NOTCH2NLA: variants seen among roughly 807,000 people sequenced by gnomAD.
The protein encoded by NOTCH2NLA is notch 2 N-terminal like A.
chr1:146,159,520 G>A (rs1661382292), intron 3 of NOTCH2NLA, among the ~76,000 whole-genome samples: 1 of 150,860 alleles, frequency 6.6e-6, no homozygotes. Context: ...TATATATTAT[G>A]TATAGGCACT....
intron 2 of NOTCH2NLA, among the ~76,000 whole-genome samples, chr1:146,183,189 GT>G: frequency 1.0e-5 from 1 of 99,118 alleles, no homozygotes; most frequent in South Asian, 3.2e-4. Flanking sequence ...ATTATAGTCA[GT>G]TTTTTTCATA....
rs1454476611 is a variant in NOTCH2NLA, at chr1:146,207,821, T to C, written c.-44-18440A>G. Among the ~76,000 whole-genome samples, 3 of 84,176 alleles carry C rather than the reference T, an allele frequency of 3.6e-5. 1 individual carries two copies. Among genetic ancestry groups the C allele is most frequent in the African/African-American group, 8.6e-5 (2 of 23,358 alleles). 55.2% of individuals were successfully genotyped at this position (84,176 alleles called of 152,430 possible). ...ACAGGCCCAATACCACTTTCTTTTTTTTTTTTTTTTTTTTTTTGGAGACAG... is the reference window on the plus strand; with the variant it reads ...ACAGGCCCAATACCACTTTCTTTTTCTTTTTTTTTTTTTTTTTGGAGACAG... On this transcript the variant is annotated intron_variant, in intron 1 of 4. Coordinates refer to ENST00000362074, the Ensembl canonical transcript of NOTCH2NLA.
At chr1:146,228,308 C>G (rs1299129342) in intron 1 of NOTCH2NLA, 1 of 952,454 alleles carries the variant, frequency 1.0e-6, no homozygotes, top group Non-Finnish European at 1.2e-6. Context: ...CTTCGCTCAG[C>G]CCCTCCGAGG....
rs369583526 is a variant in NOTCH2NLA, at chr1:146,161,702, C to T, written c.298+3049G>A. Among the ~76,000 whole-genome samples the T allele has an allele frequency of 8.4e-3, 529 of 62,958 alleles. 75 individuals are homozygous for T. The highest frequency in any genetic ancestry group is 0.064 in the East Asian group (194 of 3,048). The allele number at this position is 62,958 out of a possible 152,430, so 41.3% of individuals were successfully genotyped here. A position where few individuals can be genotyped will look rare whatever the true frequency, so the allele number is the denominator to read the frequency against. Reference sequence around the variant, plus strand: ...ATTGCCACCAGGACACTTTGGGTTCCTACCTTTAAGTAAACAGGCTAAGAA... The same window carrying T: ...ATTGCCACCAGGACACTTTGGGTTCTTACCTTTAAGTAAACAGGCTAAGAA... On this transcript the variant is annotated intron_variant, in intron 3 of 4. Transcript: ENST00000362074.
intron 2 of NOTCH2NLA, among the ~76,000 whole-genome samples, chr1:146,179,852 CAT>C: frequency 8.2e-6 from 1 of 122,604 alleles, no homozygotes; most frequent in East Asian, 2.0e-4. Context: ...TTATTTTACA[CAT>C]CTCTGTATGC....
At chr1:146,200,602 C>T (rs1553813756) in intron 1 of NOTCH2NLA, among the ~76,000 whole-genome samples, 1 of 113,290 alleles carries the variant, frequency 8.8e-6, no homozygotes, top group Non-Finnish European at 1.9e-5. Flanking sequence ...TGATGAGGAG[C>T]TGATAATCTC....
At chr1:146,170,713 CTT>C (rs1661920526) in intron 2 of NOTCH2NLA, among the ~76,000 whole-genome samples, 1 of 100,076 alleles carries the variant, frequency 1.0e-5, no homozygotes, top group East Asian at 2.4e-4. Context: ...AAAGAACAAA[CTT>C]TGTCTCTCTA....
At chr1:146,187,836 GCAC>G (rs1412239689) in intron 2 of NOTCH2NLA, among the ~76,000 whole-genome samples, 5 of 136,458 alleles carry the variant, frequency 3.7e-5, no homozygotes, top group East Asian at 2.0e-4. Flanking sequence ...AGAGGAGAAT[GCAC>G]CACATTTTTT....
rs1420543440 is a variant in NOTCH2NLA, at chr1:146,209,585, CTG to C, written c.-45+19122_-45+19123del. ...CACAACAAGATTTAGAAAAAACACA[CTG>C]TTTTTTATCAAAAGGCAGGAAAATA... On this transcript the variant is annotated intron_variant, in intron 1 of 4. Transcript: ENST00000362074. 3.1e-5 allele frequency among the ~76,000 whole-genome samples: 3 copies of C among 97,844 alleles called. 1 individual carries two copies. Among genetic ancestry groups the C allele is most frequent in the Non-Finnish European group, 6.9e-5 (3 of 43,406 alleles). The allele number at this position is 97,844 out of a possible 152,430, so 64.2% of individuals were successfully genotyped here.
intron 2 of NOTCH2NLA, among the ~76,000 whole-genome samples, chr1:146,187,723 A>T (rs78313848): frequency 0.51 from 68,204 of 133,472 alleles, 22,447 homozygotes; most frequent in Non-Finnish European, 0.65. Flanking sequence ...AAAGCAAGCA[A>T]CTAACGCACC....
Position 146,210,602 on chromosome 1 carries a change from A to AAC in NOTCH2NLA, c.-45+18105_-45+18106dup, listed in dbSNP as rs3978525. Reference sequence around the variant, plus strand: ...AATTCCAAGGTCTATTCCTCCTCCCAACACACACACACACACACACACGCA... The same window carrying AAC: ...AATTCCAAGGTCTATTCCTCCTCCCAACACACACACACACACACACACACGCA... On this transcript the variant is annotated intron_variant, in intron 1 of 4. Coordinates refer to ENST00000362074, the Ensembl canonical transcript of NOTCH2NLA. Among the ~76,000 whole-genome samples, 676 of 101,314 alleles carry AAC rather than the reference A, an allele frequency of 6.7e-3. 57 individuals carry two copies. Among genetic ancestry groups the AAC allele is most frequent in the East Asian group, 0.031 (124 of 3,994 alleles). 66.5% of individuals were successfully genotyped at this position (101,314 alleles called of 152,430 possible).
At chr1:146,194,833 C>G (rs1296534183) in intron 1 of NOTCH2NLA, among the ~76,000 whole-genome samples, 1 of 108,398 alleles carries the variant, frequency 9.2e-6, no homozygotes, top group Admixed American at 9.6e-5. Context: ...TACTCCCCAC[C>G]ACTTCCACTG....
chr1:146,194,965 C>T lies in NOTCH2NLA; in HGVS notation c.-44-5584G>A, dbSNP rs1327300638. ...CTTCCTCATTACTATCTAAATTCTA[C>T]CCATTCCTTCAAGGCCCAGTTCACC... On this transcript the variant is annotated intron_variant, in intron 1 of 4. Transcript: ENST00000362074. Among the ~76,000 whole-genome samples the T allele has an allele frequency of 2.7e-4, 30 of 111,878 alleles. 2 individuals are homozygous for T. Among genetic ancestry groups the T allele is most frequent in the African/African-American group, 8.8e-4 (23 of 26,000 alleles). The allele number at this position is 111,878 out of a possible 152,430, so 73.4% of individuals were successfully genotyped here.
At chr1:146,159,215 G>A (rs1167571403) in intron 3 of NOTCH2NLA, among the ~76,000 whole-genome samples, 7 of 151,268 alleles carry the variant, frequency 4.6e-5, no homozygotes, top group Admixed American at 2.0e-4. Context: ...AAAATTAGCC[G>A]GGCTTCATAG....
downstream of NOTCH2NLA, among the ~76,000 whole-genome samples, chr1:146,151,337 AAG>A (rs1553801298): frequency 2.0e-5 from 1 of 50,764 alleles, no homozygotes; most frequent in Non-Finnish European, 3.2e-5. Flanking sequence ...AAAAAAAAAA[AAG>A]AAAAGAAAAG....
chr1:146,226,204 T>A, intron 1 of NOTCH2NLA, among the ~76,000 whole-genome samples: 1 of 147,832 alleles, frequency 6.8e-6, no homozygotes, highest in Non-Finnish European at 1.5e-5. Context: ...AATAAGAAAG[T>A]GAAAGGAAAA....
intron 2 of NOTCH2NLA, among the ~76,000 whole-genome samples, chr1:146,171,413 AGAGC>A (rs1417123111): frequency 7.1e-6 from 1 of 140,728 alleles, no homozygotes; most frequent in Non-Finnish European, 1.6e-5. Flanking sequence ...CCTGGGCAAC[AGAGC>A]GAGACTCCCT....
chr1:146,210,874 TG>T (rs1553815990), intron 1 of NOTCH2NLA: 1 of 275,596 alleles, frequency 3.6e-6, no homozygotes, highest in African/African-American at 4.2e-5. Flanking sequence ...CTCAGGATGG[TG>T]GAGAATGGTG....
At chr1:146,186,239 G>A (rs1215437404) in intron 2 of NOTCH2NLA, among the ~76,000 whole-genome samples, 3 of 136,032 alleles carry the variant, frequency 2.2e-5, no homozygotes, top group Non-Finnish European at 5.1e-5. Flanking sequence ...CAAGGAGTTT[G>A]TTTCCCTCAA....
Sources: gnomAD v4.1 joint callset for allele counts (sites outside exome capture counted in the v4.1 genomes callset) on GRCh38, gnomAD v4.1.1 for gene constraint, MANE v1.5 for transcripts, NCBI Gene and HGNC (gene_info 2026-07-23, HGNC 2026-07-21) for gene names.